Variants in DPYSL2 observed in about 807,000 individuals in gnomAD.
DPYSL2 encodes dihydropyrimidinase like 2.
In DPYSL2, 13 loss-of-function variants were observed where a neutral mutation model predicts 69.9. The observed-to-expected ratio is 0.19, with a 90% confidence interval of 0.12 to 0.30. The LOEUF is 0.30. DPYSL2 is among the 10% of genes least tolerant of loss of function. The pLI is 1.00. For missense variants in DPYSL2, 587 were observed against 918.9 expected (o/e 0.64, Z 4.67); for synonymous variants, 326 against 359.1 (o/e 0.91, Z 1.04).
chr8:26,595,313 T>A (rs891943773), intron 3 of DPYSL2, among the ~76,000 whole-genome samples: 7 of 152,154 alleles, frequency 4.6e-5, no homozygotes, highest in African/African-American at 1.7e-4. Flanking sequence ...TCGCTATTTT[T>A]TTTTTCCTCC....
rs2129990647 is a variant in DPYSL2, at chr8:26,650,181, G to A, written c.1597-2076G>A. ...GATTCTCACATGAGTCCTGCAAAGG[G>A]GGACCTACTTACCCCTCACAGATGA... On this transcript the variant is annotated intron_variant, in intron 11 of 13. Coordinates refer to ENST00000521913, the MANE Select transcript of DPYSL2 (RefSeq NM_001197293.3). This position sits in a 1 kb window ranked among gnomAD's most constrained non-coding sequence, Gnocchi z 5.3. Among the ~76,000 whole-genome samples, 1 of 152,320 alleles carries A rather than the reference G, an allele frequency of 6.6e-6. No homozygotes were observed. The highest frequency in any genetic ancestry group is 1.9e-4 in the East Asian group (1 of 5,178).
At chr8:26,547,091 G>T (rs538381352) in intron 1 of DPYSL2, among the ~76,000 whole-genome samples, 2 of 151,958 alleles carry the variant, frequency 1.3e-5, no homozygotes, top group Non-Finnish European at 2.9e-5. Flanking sequence ...GGCCAGGAGC[G>T]GTGGCTCATG....
chr8:26,558,425 G>A (rs1349761381), intron 1 of DPYSL2, among the ~76,000 whole-genome samples: 2 of 152,222 alleles, frequency 1.3e-5, no homozygotes, highest in Non-Finnish European at 2.9e-5. Flanking sequence ...TGGGCTTGGG[G>A]AAGGGGTGAG....
intron 8 of DPYSL2, among the ~76,000 whole-genome samples, chr8:26,636,729 G>GT (rs899062097): frequency 1.3e-5 from 2 of 151,682 alleles, no homozygotes; most frequent in Admixed American, 6.6e-5. Flanking sequence ...CCCCGTTGTT[G>GT]TTTTTTTTAA....
intron 1 of DPYSL2, among the ~76,000 whole-genome samples, chr8:26,515,309 G>C (rs1468522992): frequency 1.3e-5 from 2 of 152,198 alleles, no homozygotes; most frequent in East Asian, 3.9e-4. Flanking sequence ...CGAGGAAACC[G>C]AGACGCTCCT....
At chr8:26,578,017 C>CTT (rs531493775) in intron 1 of DPYSL2, 12 of 976,390 alleles carry the variant, frequency 1.2e-5, no homozygotes, top group Non-Finnish European at 1.6e-5. Context: ...CTCTCTCTCT[C>CTT]TTTTTTTTCC....
rs1392033470 is a variant in DPYSL2 at position 26,585,738 on chromosome 8, C to T, written c.628+1755C>T. ...GCCGGGAAGGCCAAGTCAGGGTGAT[C>T]ATCTGCCTCAGTTTGGAGTTCACAG... On this transcript the variant is annotated intron_variant, in intron 3 of 13. Coordinates refer to ENST00000521913, the MANE Select transcript of DPYSL2 (RefSeq NM_001197293.3). The surrounding 1 kb of genome is among the most constrained non-coding windows in gnomAD (Gnocchi z 4.0). 6.6e-6 allele frequency among the ~76,000 whole-genome samples: 1 copy of T among 152,200 alleles called. No homozygotes were observed.
chr8:26,585,997 G>T lies in DPYSL2; in HGVS notation c.628+2014G>T, dbSNP rs1801592272. 6.6e-6 allele frequency among the ~76,000 whole-genome samples: 1 copy of T among 152,258 alleles called. No homozygotes were observed. The highest frequency in any genetic ancestry group is 2.4e-5 in the African/African-American group (1 of 41,558). On this transcript the variant is annotated intron_variant, in intron 3 of 13. Transcript: ENST00000521913. The surrounding 1 kb of genome is among the most constrained non-coding windows in gnomAD (Gnocchi z 4.0). ...CATGCTCCTGGAGTCCCAGCTACTTGGGAGGCTGAGGCAGGAGAATCTTTG... is the reference window on the plus strand; with the variant it reads ...CATGCTCCTGGAGTCCCAGCTACTTTGGAGGCTGAGGCAGGAGAATCTTTG...
At chr8:26,534,346 A>G (rs11780072) in intron 1 of DPYSL2, among the ~76,000 whole-genome samples, 14,992 of 152,058 alleles carry the variant, frequency 0.099, 831 homozygotes, top group Non-Finnish European at 0.12. Flanking sequence ...ACACTTGGCT[A>G]CATTTTGTAG....
chr8:26,629,272 A>G (rs1260468601), intron 7 of DPYSL2, among the ~76,000 whole-genome samples: 2 of 152,114 alleles, frequency 1.3e-5, no homozygotes, highest in African/African-American at 2.4e-5. Flanking sequence ...ACACAGACAC[A>G]TAGACACACA....
At position 26,627,928 on chromosome 8, in the gene DPYSL2, C is replaced by T. The variant is rs778298264; in HGVS notation, c.993C>T (p.Ser331=). ...CGGGCCCCGAGGGACATGTGCTGAG[C>T]CGACCTGAGGAGGTGAATGTTCACC... ...GITGPEGHVL[S]RPEEVEAEAV... Residue 331 remains serine (S), a synonymous_variant, in exon 7 of 14, where the codon AGC becomes AGT. Coordinates refer to ENST00000521913, the MANE Select transcript of DPYSL2 (RefSeq NM_001197293.3). The surrounding 1 kb of genome is among the most constrained non-coding windows in gnomAD (Gnocchi z 6.9). 5.6e-6 allele frequency: 9 copies of T among 1,613,732 alleles called. No homozygotes were observed. In the East Asian group the frequency reaches 1.6e-4, roughly 28 times the overall value.
intron 1 of DPYSL2, among the ~76,000 whole-genome samples, chr8:26,515,791 G>T (rs1370396450): frequency 6.6e-6 from 1 of 152,234 alleles, no homozygotes; most frequent in Non-Finnish European, 1.5e-5. Flanking sequence ...ATCAATGAAT[G>T]ATTGTTGATT....
chr8:26,607,671 T>G (rs1802136343), intron 3 of DPYSL2, among the ~76,000 whole-genome samples: 3 of 151,916 alleles, frequency 2.0e-5, no homozygotes, highest in Non-Finnish European at 4.4e-5. Context: ...GTGCCTGTAG[T>G]CCCAGCTACT....
At chr8:26,589,439 G>A (rs1801674291) in intron 3 of DPYSL2, among the ~76,000 whole-genome samples, 1 of 152,224 alleles carries the variant, frequency 6.6e-6, no homozygotes, top group Admixed American at 6.5e-5. Context: ...AATGCCCATG[G>A]GTGAATGAAT....
At chr8:26,630,834 G>A (rs953185179) in intron 7 of DPYSL2, among the ~76,000 whole-genome samples, 1 of 152,172 alleles carries the variant, frequency 6.6e-6, no homozygotes, top group Non-Finnish European at 1.5e-5. Context: ...CTCCCGCAGT[G>A]TACACATACT....
At position 26,653,585 on chromosome 8, in the gene DPYSL2, G is replaced by C. The variant is rs185388483; in HGVS notation, c.1942+188G>C. On this transcript the variant is annotated intron_variant, in intron 13 of 13. Transcript: ENST00000521913. This position sits in a 1 kb window ranked among gnomAD's most constrained non-coding sequence, Gnocchi z 5.7. ...TTCTTTTTCTTTTTTTTGAGGCAGG[G>C]TCTCGCTCTGTTACCCAGACTGGAG... Among the ~76,000 whole-genome samples, 1 of 152,064 alleles carries C rather than the reference G, an allele frequency of 6.6e-6. No individual in the cohort carries two copies. Among genetic ancestry groups the C allele is most frequent in the African/African-American group, 2.4e-5 (1 of 41,394 alleles).
chr8:26,515,639 A>G (rs1808272029), intron 1 of DPYSL2, among the ~76,000 whole-genome samples: 1 of 152,210 alleles, frequency 6.6e-6, no homozygotes, highest in African/African-American at 2.4e-5. Context: ...TCACACCACA[A>G]TTCTTTCTTT....
Position 26,621,060 on chromosome 8 carries a change from C to CT in DPYSL2, c.629-3080dup, listed in dbSNP as rs1225174661. The stretch of plus-strand genomic sequence containing the variant: ...TTCTTCCGCTTTATCTTGCATTACT[C>CT]TTTCTGGTTTATCACATTTTCTTGT... On this transcript the variant is annotated intron_variant, in intron 3 of 13. Coordinates refer to ENST00000521913, the MANE Select transcript of DPYSL2 (RefSeq NM_001197293.3). The surrounding 1 kb of genome is among the most constrained non-coding windows in gnomAD (Gnocchi z 4.9). Among the ~76,000 whole-genome samples the CT allele has an allele frequency of 6.6e-6, 1 of 152,156 alleles. No individual in the cohort carries two copies. The highest frequency in any genetic ancestry group is 2.4e-5 in the African/African-American group (1 of 41,434).
chr8:26,604,508 C>T (rs1185750994), intron 3 of DPYSL2, among the ~76,000 whole-genome samples: 2 of 152,186 alleles, frequency 1.3e-5, no homozygotes, highest in African/African-American at 4.8e-5. Context: ...CTGCCTGCCT[C>T]ATCTTGAGAG....
Sources: gnomAD v4.1 joint callset for allele counts (sites outside exome capture counted in the v4.1 genomes callset) on GRCh38, gnomAD v4.1.1 for gene constraint, Gnocchi (gnomAD v3.1) non-coding constraint, MANE v1.5 for transcripts, NCBI Gene and HGNC (gene_info 2026-07-23, HGNC 2026-07-21) for gene names.